Variants in IQGAP1 observed in about 807,000 individuals in gnomAD.
The protein encoded by IQGAP1 is IQ motif containing GTPase activating protein 1, also known as ras GTPase-activating-like protein IQGAP1.
In IQGAP1, 66 loss-of-function variants were observed where a neutral mutation model predicts 215.6. The ratio of observed to expected loss-of-function variants is 0.31; its 90% CI spans 0.25 to 0.38. The LOEUF (loss-of-function observed/expected upper bound fraction) is 0.38. IQGAP1 is among the 10% of genes least tolerant of loss of function. The pLI is 1.00. For synonymous variants in IQGAP1, 772 were observed against 728.7 expected (o/e 1.06, Z -0.96); for missense variants, 1,712 against 1,997.1 (o/e 0.86, Z 2.72).
chr15:90,497,170 T>A, intron 36 of IQGAP1, 62 bp from the exon 37 acceptor site: 1 of 870,334 alleles, frequency 1.1e-6, no homozygotes. Context: ...TTTCCCCATT[T>A]CACAGAATAT....
Position 90,472,946 on chromosome 15 carries a change from G to T in IQGAP1, c.2285G>T (p.Arg762Leu). Residue 762 changes from arginine (R) to leucine (L), a missense_variant, in exon 19 of 38, where the codon CGA becomes CTA. By Grantham distance (102) the Arg-to-Leu change is moderately radical (BLOSUM62 -2). This residue lies in a region of IQGAP1 where 1,021 missense variants were observed against 1,074.2 expected (regional missense o/e 0.95). Coordinates refer to ENST00000268182, the MANE Select transcript of IQGAP1 (RefSeq NM_003870.4). Reference protein sequence around the residue: ...LQARCRGYLVRQEFRSRMNFL... With the variant: ...LQARCRGYLVLQEFRSRMNFL... ...GCTCGCTGCCGTGGATACTTAGTTC[G>T]ACAGGAATTCCGATCCAGGATGAAT... is the stretch of plus-strand genomic sequence containing the variant. The T allele has an allele frequency of 6.2e-7, 1 of 1,613,956 alleles. No individual in the cohort carries two copies. The highest frequency in any genetic ancestry group is 8.5e-7 in the Non-Finnish European group (1 of 1,179,950).
intron 6 of IQGAP1, among the ~76,000 whole-genome samples, chr15:90,439,954 C>A (rs1226032677): frequency 6.6e-6 from 1 of 152,166 alleles, no homozygotes; most frequent in Non-Finnish European, 1.5e-5. Context: ...TCAAGTCTTT[C>A]AAAGTGGTGA....
chr15:90,427,434 C>T (rs767110444), intron 3 of IQGAP1, among the ~76,000 whole-genome samples: 2 of 152,082 alleles, frequency 1.3e-5, no homozygotes, highest in Non-Finnish European at 2.9e-5. Flanking sequence ...AGAAGACTGA[C>T]TGCTTAATTA....
At chr15:90,412,557 G>A (rs1032217375) in intron 2 of IQGAP1, among the ~76,000 whole-genome samples, 21 of 152,070 alleles carry the variant, frequency 1.4e-4, no homozygotes, top group Admixed American at 7.9e-4. Flanking sequence ...CATTTTCTCT[G>A]GGAAGTCATC....
intron 17 of IQGAP1, among the ~76,000 whole-genome samples, chr15:90,466,685 C>A (rs908652740): frequency 1.3e-5 from 2 of 149,510 alleles, no homozygotes; most frequent in African/African-American, 5.0e-5. Context: ...AACTGTTTAT[C>A]TTTCACAGAG....
chr15:90,460,171 A>G (rs914887576), intron 15 of IQGAP1, among the ~76,000 whole-genome samples: 2 of 152,152 alleles, frequency 1.3e-5, no homozygotes, highest in Non-Finnish European at 2.9e-5. Context: ...TAAGAAAGTA[A>G]AGGAATAAAA....
chr15:90,440,042 T>C (rs1161185788), intron 6 of IQGAP1, among the ~76,000 whole-genome samples: 1 of 152,238 alleles, frequency 6.6e-6, no homozygotes, highest in African/African-American at 2.4e-5. Flanking sequence ...AGGGAAGTTA[T>C]TCACCAGACC....
At chr15:90,494,611 T>A (rs564015080) in intron 35 of IQGAP1, 102 bp from the exon 36 acceptor site, 1 of 948,988 alleles carries the variant, frequency 1.1e-6, no homozygotes, top group South Asian at 1.9e-5. Flanking sequence ...CTTATGCTTA[T>A]GTCTGGAAGT....
chr15:90,445,786 A>G (rs755935918), intron 9 of IQGAP1, among the ~76,000 whole-genome samples: 8 of 151,994 alleles, frequency 5.3e-5, no homozygotes, highest in African/African-American at 9.7e-5. Flanking sequence ...AGGATTTAGA[A>G]GATTTTACCA....
intron 9 of IQGAP1, among the ~76,000 whole-genome samples, chr15:90,444,011 C>T (rs192180099): frequency 2.8e-4 from 42 of 151,966 alleles, no homozygotes; most frequent in African/African-American, 9.9e-4. Flanking sequence ...TTGCAGTGAG[C>T]TGAGATGGTG....
intron 2 of IQGAP1, among the ~76,000 whole-genome samples, chr15:90,412,819 C>A (rs1400197434): frequency 1.3e-5 from 2 of 152,142 alleles, no homozygotes; most frequent in Admixed American, 6.5e-5. Flanking sequence ...GGTGTGGTAC[C>A]AGAGGAGCTG....
chr15:90,450,003 T>A (rs1965579303), intron 11 of IQGAP1, among the ~76,000 whole-genome samples: 1 of 152,214 alleles, frequency 6.6e-6, no homozygotes, highest in South Asian at 2.1e-4. Flanking sequence ...TTTGTTGATG[T>A]TGGGAACATT....
intron 30 of IQGAP1, among the ~76,000 whole-genome samples, chr15:90,485,460 G>A (rs946043957): frequency 6.6e-6 from 1 of 152,008 alleles, no homozygotes; most frequent in African/African-American, 2.4e-5. Context: ...GTTTTTTTGA[G>A]ATGGAGTCTT....
At chr15:90,472,535 C>G (rs1006546528) in intron 18 of IQGAP1, among the ~76,000 whole-genome samples, 8 of 151,914 alleles carry the variant, frequency 5.3e-5, no homozygotes, top group African/African-American at 1.9e-4. Flanking sequence ...TACAGTGACC[C>G]CAGATCAGCC....
At chr15:90,440,068 AC>A (rs1363286925) in intron 6 of IQGAP1, among the ~76,000 whole-genome samples, 1 of 152,218 alleles carries the variant, frequency 6.6e-6, no homozygotes, top group Non-Finnish European at 1.5e-5. Flanking sequence ...AAAGGACCAG[AC>A]CTTACATGTT....
At chr15:90,442,082 A>AT (rs377277102) in intron 8 of IQGAP1, among the ~76,000 whole-genome samples, 12 of 152,348 alleles carry the variant, frequency 7.9e-5, no homozygotes, top group African/African-American at 2.9e-4. Flanking sequence ...ATTAAAATTA[A>AT]TAGTGCCCTT....
chr15:90,481,502 C>T (rs986825306), intron 26 of IQGAP1, among the ~76,000 whole-genome samples: 1 of 152,066 alleles, frequency 6.6e-6, no homozygotes, highest in Admixed American at 6.6e-5. Flanking sequence ...TCTCCTGTCT[C>T]CCCTTCCTTC....
chr15:90,415,980 T>G (rs1965041292), intron 2 of IQGAP1, among the ~76,000 whole-genome samples: 1 of 152,200 alleles, frequency 6.6e-6, no homozygotes, highest in South Asian at 2.1e-4. Context: ...TCAGCCTTTT[T>G]TTTTGTCCTT....
At chr15:90,465,108 C>T (rs1359239465) in intron 15 of IQGAP1, among the ~76,000 whole-genome samples, 2 of 152,162 alleles carry the variant, frequency 1.3e-5, no homozygotes, top group East Asian at 1.9e-4. Flanking sequence ...CATTATATTT[C>T]TGTGTGAAAA....
Sources: allele counts gnomAD v4.1 joint callset (sites outside exome capture counted in the v4.1 genomes callset), GRCh38; gene constraint gnomAD v4.1.1; regional missense constraint gnomAD v4.1.1; transcripts MANE v1.5; gene names NCBI Gene and HGNC (gene_info 2026-07-23, HGNC 2026-07-21).